The following SRGAP2 variants were observed in gnomAD, a reference collection of about 807,000 sequenced individuals.
The protein encoded by SRGAP2 is SLIT-ROBO Rho GTPase-activating protein 2.
A neutral mutation model predicts 57.2 loss-of-function variants in SRGAP2; 15 were observed. The observed-to-expected ratio is 0.26, with a 90% CI of 0.18 to 0.40. SRGAP2 has a LOEUF of 0.40. Ranked by LOEUF, SRGAP2 falls within the 10% of genes least tolerant of loss-of-function variation. The pLI is 1.00. For missense variants in SRGAP2, 520 were observed against 669.6 expected (o/e 0.78, Z 2.47); for synonymous variants, 249 against 248.0 (o/e 1.00, Z -0.04).
At chr1:206,402,328 CT>C in intron 8 of SRGAP2, among the ~76,000 whole-genome samples, 1 of 152,026 alleles carries the variant, frequency 6.6e-6, no homozygotes, top group East Asian at 1.9e-4. Flanking sequence ...GTTTTGGACT[CT>C]TAGCCTCCAG....
intron 2 of SRGAP2, among the ~76,000 whole-genome samples, chr1:206,230,636 T>C (rs1421831009): frequency 6.6e-6 from 1 of 151,706 alleles, no homozygotes; most frequent in Non-Finnish European, 1.5e-5. Flanking sequence ...TGTATTTTTT[T>C]TTTTTTTTGA....
At chr1:206,438,282 T>C (rs1435570919) in intron 16 of SRGAP2, among the ~76,000 whole-genome samples, 184 bp downstream of exon 16, 1 of 152,050 alleles carries the variant, frequency 6.6e-6, no homozygotes, top group Non-Finnish European at 1.5e-5. Flanking sequence ...GAAAGACTTT[T>C]CAGTAAGAAT....
intron 2 of SRGAP2, among the ~76,000 whole-genome samples, chr1:206,302,556 C>T (rs1671933925): frequency 6.6e-6 from 1 of 152,074 alleles, no homozygotes; most frequent in African/African-American, 2.4e-5. Flanking sequence ...AAAAAAATCT[C>T]TTTCCAAGTC....
At chr1:206,248,501 T>G (rs1361017614) in intron 2 of SRGAP2, among the ~76,000 whole-genome samples, 9 of 152,294 alleles carry the variant, frequency 5.9e-5, no homozygotes, top group African/African-American at 1.9e-4. Flanking sequence ...ATATGTCGAG[T>G]ACCAGATGCT....
intron 17 of SRGAP2, among the ~76,000 whole-genome samples, chr1:206,440,957 C>T (rs913844629): frequency 3.9e-5 from 6 of 152,136 alleles, no homozygotes; most frequent in Non-Finnish European, 8.8e-5. Context: ...CCAAGGTTAC[C>T]ATCTGGTCTG....
At chr1:206,412,022 AT>A (rs1326806665) in intron 10 of SRGAP2, among the ~76,000 whole-genome samples, 2 of 152,166 alleles carry the variant, frequency 1.3e-5, no homozygotes, top group Non-Finnish European at 2.9e-5. Context: ...TAGTATTCTC[AT>A]TTTTCGGATG....
intron 17 of SRGAP2, 80 bp from the exon 18 acceptor site, chr1:206,445,995 T>G: frequency 1.4e-6 from 1 of 734,324 alleles, no homozygotes; most frequent in Non-Finnish European, 2.6e-6. Flanking sequence ...CTTTTGCTCT[T>G]GGCAGCGCCT....
At chr1:206,296,474 G>A in intron 2 of SRGAP2, among the ~76,000 whole-genome samples, 1 of 151,308 alleles carries the variant, frequency 6.6e-6, no homozygotes, top group East Asian at 2.0e-4. Flanking sequence ...CTGTCACCCA[G>A]GCTGGAGTAT....
At chr1:206,439,170 C>G (rs560094911) in intron 16 of SRGAP2, among the ~76,000 whole-genome samples, 1 of 152,100 alleles carries the variant, frequency 6.6e-6, no homozygotes, top group South Asian at 2.1e-4. Context: ...TCCAGTACTT[C>G]CCATCTCTTT....
intron 22 of SRGAP2, among the ~76,000 whole-genome samples, chr1:206,460,755 C>T (rs782444802): frequency 3.9e-5 from 6 of 152,042 alleles, no homozygotes; most frequent in Non-Finnish European, 7.4e-5. Flanking sequence ...TATGTCACTT[C>T]GTCGATAAGT....
Position 206,463,461 on chromosome 1 carries a change from C to T in SRGAP2, c.*2041C>T, listed in dbSNP as rs1664384782. 6.6e-6 allele frequency: 1 copy of T among 152,632 alleles called. No individual in the cohort carries two copies. 9.5% of individuals were successfully genotyped at this position (152,632 alleles called of 1,614,324 possible). On this transcript the variant is annotated 3_prime_UTR_variant, in exon 23 of 23. Coordinates refer to ENST00000573034, the MANE Select transcript of SRGAP2 (RefSeq NM_015326.5). ...TCACTTTACATTCCTTTCAATCCAA[C>T]TGATCAAAACTGGTACCCACACTTG...
At chr1:206,433,988 A>C (rs1380403423) in intron 14 of SRGAP2, among the ~76,000 whole-genome samples, 1 of 152,232 alleles carries the variant, frequency 6.6e-6, no homozygotes, top group Non-Finnish European at 1.5e-5. Context: ...GTTCCACTAA[A>C]TTGATTTTTC....
chr1:206,434,257 A>G (rs1661530099), intron 14 of SRGAP2, among the ~76,000 whole-genome samples: 1 of 152,200 alleles, frequency 6.6e-6, no homozygotes, highest in Admixed American at 6.5e-5. Context: ...AAGAGAAGCG[A>G]TTTGAGGAAC....
chr1:206,301,132 C>T (rs1306546472), intron 2 of SRGAP2, among the ~76,000 whole-genome samples: 1 of 152,120 alleles, frequency 6.6e-6, no homozygotes, highest in Non-Finnish European at 1.5e-5. Flanking sequence ...CCCGGGTTCA[C>T]GCCATTCTCC....
chr1:206,331,538 A>C (rs1281731999), intron 3 of SRGAP2, among the ~76,000 whole-genome samples: 6 of 150,352 alleles, frequency 4.0e-5, no homozygotes, highest in Admixed American at 3.3e-4. Context: ...CCTCATGTTG[A>C]ATTGATCCCT....
At chr1:206,415,501 C>T (rs79514302) in intron 10 of SRGAP2, among the ~76,000 whole-genome samples, 3,237 of 152,272 alleles carry the variant, frequency 0.021, 113 homozygotes, top group African/African-American at 0.071. Context: ...CTCCTCCCAC[C>T]GAGGGGCCAG....
chr1:206,212,892 A>AAAAAAAC (rs1558222178), intron 2 of SRGAP2, among the ~76,000 whole-genome samples: 1 of 139,484 alleles, frequency 7.2e-6, no homozygotes, highest in Non-Finnish European at 1.5e-5. Flanking sequence ...TTTGCAAGAA[A>AAAAAAAC]AAAAAACAAA....
At chr1:206,289,129 A>T (rs1571768584) in intron 2 of SRGAP2, among the ~76,000 whole-genome samples, 1 of 131,588 alleles carries the variant, frequency 7.6e-6, no homozygotes, top group East Asian at 2.1e-4. Flanking sequence ...TCATGTACCC[A>T]TCATGCTACT....
In SRGAP2 at chr1:206,461,412, A is replaced by G. The variant is rs1553380747; in HGVS notation, c.3208A>G (p.Thr1070Ala). The stretch of plus-strand genomic sequence containing the variant: ...CCCACAGTCTACTGACAAGTCTTGT[A>G]CTGTCTGAGGGATAATAATTTAATT... ...TSPQSTDKSCTV is the reference protein window; with the variant it reads ...TSPQSTDKSCAV The change falls in exon 23 of 23, where the codon ACT (threonine) becomes GCT (alanine). Residue 1070 changes from threonine to alanine, a missense_variant. Coordinates refer to ENST00000573034, the MANE Select transcript of SRGAP2 (RefSeq NM_015326.5). The G allele has an allele frequency of 1.8e-5, 14 of 771,502 alleles. No individual in the cohort carries two copies. Among genetic ancestry groups the G allele is most frequent in the Non-Finnish European group, 3.4e-5 (14 of 411,744 alleles). The allele number at this position is 771,502 out of a possible 1,614,324, so 47.8% of individuals were successfully genotyped here. A position where few individuals can be genotyped will look rare whatever the true frequency, so the allele number is the denominator to read the frequency against.
Sources: gnomAD v4.1 joint callset for allele counts (sites outside exome capture counted in the v4.1 genomes callset) on GRCh38, gnomAD v4.1.1 for gene constraint, MANE v1.5 for transcripts, NCBI Gene and HGNC (gene_info 2026-07-23, HGNC 2026-07-21) for gene names.